The following CASK variants were observed in gnomAD, a reference collection of about 807,000 sequenced individuals.
The protein encoded by CASK is calcium/calmodulin dependent serine protein kinase, also known as peripheral plasma membrane protein CASK.
A neutral mutation model predicts 82.9 loss-of-function variants in CASK; 4 were observed. The observed-to-expected ratio is 0.05, with a 90% CI of 0.02 to 0.11. The LOEUF is 0.11. CASK is among the 10% of genes least tolerant of loss of function. The pLI is 1.00. For synonymous variants in CASK, 259 were observed against 253.5 expected, an observed-to-expected ratio of 1.02 and a Z score of -0.20; for missense variants, 358 against 720.9, an observed-to-expected ratio of 0.50 and a Z score of 5.76.
chrX:41,627,775 G>C (rs2147340115), intron 9 of CASK, among the ~76,000 whole-genome samples: 1 of 112,636 alleles, frequency 8.9e-6, no homozygotes, highest in African/African-American at 3.2e-5. Flanking sequence ...GGCCGAGGCG[G>C]GTGGAACACC....
Position 41,517,813 on chromosome X carries a change from AG to A in CASK, c.*2606del. 1 of 804,800 alleles carries A rather than the reference AG, an allele frequency of 1.2e-6. No individual in the cohort carries two copies. Among genetic ancestry groups the A allele is most frequent in the Non-Finnish European group, 1.8e-6 (1 of 556,979 alleles). The allele number at this position is 804,800 out of a possible 1,213,427, so 66.3% of individuals were successfully genotyped here. A position where few individuals can be genotyped will look rare whatever the true frequency, so the allele number is the denominator to read the frequency against. On this transcript the variant is annotated 3_prime_UTR_variant, in exon 27 of 27. Coordinates refer to ENST00000378163, the MANE Select transcript of CASK (RefSeq NM_001367721.1). ...CAGCAGCAGCAGCAGCAGCAGCAGC[AG>A]CAGCAGCAATGTACTGAAATTACTC...
At chrX:41,616,534 G>A (rs1467448440) in intron 11 of CASK, among the ~76,000 whole-genome samples, 1 of 111,456 alleles carries the variant, frequency 9.0e-6, no homozygotes, top group Non-Finnish European at 1.9e-5. Flanking sequence ...GAAGTTGTGT[G>A]GTTTATGCAT....
chrX:41,776,140 TA>T (rs1392760471), intron 3 of CASK, among the ~76,000 whole-genome samples: 1 of 112,625 alleles, frequency 8.9e-6, no homozygotes, highest in Non-Finnish European at 1.9e-5. Flanking sequence ...TTGTGTGCTG[TA>T]TATAATTGTA....
intron 5 of CASK, among the ~76,000 whole-genome samples, chrX:41,691,665 T>C (rs1356387926): frequency 1.9e-5 from 2 of 107,805 alleles, no homozygotes; most frequent in Non-Finnish European, 3.8e-5. Context: ...AAGACCAGCC[T>C]GGCCAACATA....
intron 1 of CASK, among the ~76,000 whole-genome samples, chrX:41,876,724 A>G (rs1456889378): frequency 8.9e-6 from 1 of 112,453 alleles, no homozygotes; most frequent in Non-Finnish European, 1.9e-5. Flanking sequence ...AAGTGAATTT[A>G]ACACTGCATA....
chrX:41,892,230 T>C (rs756389656), intron 1 of CASK, among the ~76,000 whole-genome samples: 3 of 109,942 alleles, frequency 2.7e-5, no homozygotes, highest in Non-Finnish European at 5.7e-5. Context: ...GAATTTTTTT[T>C]TTTTTTTTTT....
At chrX:41,656,280 C>T (rs182751443) in intron 8 of CASK, among the ~76,000 whole-genome samples, 3 of 112,047 alleles carry the variant, frequency 2.7e-5, no homozygotes, top group African/African-American at 9.7e-5. Context: ...GGCAGATTTC[C>T]CTGGTGGGAA....
chrX:41,625,438 G>A (rs1049907660), intron 10 of CASK, among the ~76,000 whole-genome samples: 1 of 110,442 alleles, frequency 9.1e-6, no homozygotes, highest in Non-Finnish European at 1.9e-5. Context: ...TGCCCGCCTC[G>A]GCCTCCCAAA....
intron 8 of CASK, 196 bp downstream of exon 8, chrX:41,660,243 A>G (rs2067012202): frequency 6.4e-6 from 3 of 466,157 alleles, no homozygotes; most frequent in Non-Finnish European, 1.1e-5. Context: ...TGATAGCTGC[A>G]TGACACTCAA....
chrX:41,813,578 T>A (rs2070349730), intron 2 of CASK, among the ~76,000 whole-genome samples: 1 of 111,621 alleles, frequency 9.0e-6, no homozygotes, highest in Non-Finnish European at 1.9e-5. Context: ...TTACACCTTA[T>A]ATAAAAATTA....
intron 1 of CASK, among the ~76,000 whole-genome samples, chrX:41,908,741 G>A (rs753145778): frequency 2.1e-4 from 23 of 112,056 alleles, no homozygotes; most frequent in South Asian, 3.7e-4. Context: ...AAACACAAGC[G>A]TTTACCTAAT....
chrX:41,533,136 T>C (rs1258973839), intron 24 of CASK, among the ~76,000 whole-genome samples: 1 of 111,889 alleles, frequency 8.9e-6, no homozygotes, highest in Non-Finnish European at 1.9e-5. Flanking sequence ...ATATTGATGT[T>C]GTACTATCTT....
At chrX:41,693,273 T>A (rs1363669527) in intron 5 of CASK, among the ~76,000 whole-genome samples, 1 of 111,226 alleles carries the variant, frequency 9.0e-6, no homozygotes, top group Non-Finnish European at 1.9e-5. Context: ...ATCAGTTTCA[T>A]TTTTGGTAGC....
intron 1 of CASK, among the ~76,000 whole-genome samples, chrX:41,866,145 C>T (rs1019242658): frequency 2.7e-5 from 3 of 112,549 alleles, no homozygotes; most frequent in South Asian, 3.7e-4. Context: ...ACAAACCACC[C>T]GTCATGGCCC....
intron 2 of CASK, among the ~76,000 whole-genome samples, chrX:41,824,095 C>A (rs1341301022): frequency 8.9e-6 from 1 of 111,889 alleles, no homozygotes; most frequent in Non-Finnish European, 1.9e-5. Flanking sequence ...ATAAGTAGCA[C>A]CACTATCCAA....
intron 12 of CASK, among the ~76,000 whole-genome samples, chrX:41,606,353 C>G (rs2065962009): frequency 1.8e-5 from 2 of 112,245 alleles, no homozygotes; most frequent in African/African-American, 6.5e-5. Context: ...GCAATCTCCA[C>G]CTCCTGGGTT....
At chrX:41,788,737 T>C (rs776353806) in intron 2 of CASK, among the ~76,000 whole-genome samples, 1 of 111,776 alleles carries the variant, frequency 8.9e-6, no homozygotes, top group Non-Finnish European at 1.9e-5. Context: ...TGGAGAAGGC[T>C]GAAAGCTGAG....
intron 5 of CASK, among the ~76,000 whole-genome samples, chrX:41,678,543 G>A (rs1434609650): frequency 9.0e-6 from 1 of 111,442 alleles, no homozygotes; most frequent in Non-Finnish European, 1.9e-5. Flanking sequence ...ATTGCAACAG[G>A]AAGAACATAG....
chrX:41,565,947 C>T (rs759499942), intron 16 of CASK, among the ~76,000 whole-genome samples: 9 of 111,908 alleles, frequency 8.0e-5, no homozygotes, highest in African/African-American at 2.6e-4. Flanking sequence ...AATCAATAAA[C>T]GTAATCCATC....
Sources: gnomAD v4.1 joint callset for allele counts (sites outside exome capture counted in the v4.1 genomes callset) on GRCh38, gnomAD v4.1.1 for gene constraint, MANE v1.5 for transcripts, NCBI Gene and HGNC (gene_info 2026-07-23, HGNC 2026-07-21) for gene names.